KCNIP3: variants seen among roughly 807,000 people sequenced by gnomAD.
KCNIP3 encodes potassium voltage-gated channel interacting protein 3, also known as calsenilin.
KCNIP3 carries 28 observed loss-of-function variants against 35.0 expected under a neutral mutation model. The ratio of observed to expected loss-of-function variants is 0.80; its 90% confidence interval spans 0.59 to 1.10. The LOEUF is 1.10. Ranked by LOEUF, KCNIP3 falls within the 50% of genes least tolerant of loss-of-function variation. KCNIP3 has a pLI of 0.00. For missense variants in KCNIP3, 295 were observed against 338.4 expected (o/e 0.87, Z 1.01); for synonymous variants, 134 against 133.8 (o/e 1.00, Z -0.01).
At chr2:95,343,460 G>A (rs1249184209) in intron 2 of KCNIP3, among the ~76,000 whole-genome samples, 2 of 152,156 alleles carry the variant, frequency 1.3e-5, no homozygotes, top group Non-Finnish European at 2.9e-5. Context: ...GCCCCACTCC[G>A]GAGAGTTGGG....
At chr2:95,358,833 C>A (rs1271827314) in intron 2 of KCNIP3, among the ~76,000 whole-genome samples, 1 of 152,192 alleles carries the variant, frequency 6.6e-6, no homozygotes, top group African/African-American at 2.4e-5. Context: ...CTAAACATTT[C>A]TTAAAGGTCC....
intron 1 of KCNIP3, among the ~76,000 whole-genome samples, chr2:95,308,017 C>T (rs187327700): frequency 2.0e-5 from 3 of 152,250 alleles, no homozygotes; most frequent in African/African-American, 7.2e-5. Flanking sequence ...TGTGTGAGCA[C>T]ATGTGCATAT....
intron 2 of KCNIP3, among the ~76,000 whole-genome samples, chr2:95,357,438 T>C (rs766359540): frequency 1.3e-5 from 2 of 152,144 alleles, no homozygotes; most frequent in Admixed American, 6.5e-5. Context: ...CCTCATGGAC[T>C]GTCAGCCAGA....
chr2:95,354,579 G>A (rs575706171), intron 2 of KCNIP3, among the ~76,000 whole-genome samples: 1 of 152,288 alleles, frequency 6.6e-6, no homozygotes, highest in South Asian at 2.1e-4. Context: ...CTGGCCCACT[G>A]CCCTTGCTCC....
chr2:95,375,215 C>T lies in KCNIP3; in HGVS notation c.447+7C>T. 6.2e-7 allele frequency: 1 copy of T among 1,613,624 alleles called. No individual in the cohort carries two copies. The highest frequency in any genetic ancestry group is 1.1e-5 in the South Asian group (1 of 91,068). On this transcript the variant is annotated splice_region_variant and intron_variant, in intron 5 of 8. Coordinates refer to ENST00000295225, the MANE Select transcript of KCNIP3 (RefSeq NM_013434.5). ...CGGGGCCATCCACTTTGAGGTAGGT[C>T]CTCGCGGATTCCTCCCACGTGTCCT...
intron 2 of KCNIP3, among the ~76,000 whole-genome samples, chr2:95,326,293 A>G (rs1678787063): frequency 6.6e-6 from 1 of 151,720 alleles, no homozygotes; most frequent in Admixed American, 6.6e-5. Context: ...ATACACACTC[A>G]TTACACACAT....
chr2:95,330,830 C>T (rs1447013520), intron 2 of KCNIP3, among the ~76,000 whole-genome samples: 1 of 152,182 alleles, frequency 6.6e-6, no homozygotes, highest in Non-Finnish European at 1.5e-5. Flanking sequence ...GCTCTGGGGA[C>T]ACAGCAGGGA....
At chr2:95,306,820 G>A (rs1678189638) in intron 1 of KCNIP3, among the ~76,000 whole-genome samples, 1 of 152,204 alleles carries the variant, frequency 6.6e-6, no homozygotes, top group African/African-American at 2.4e-5. Flanking sequence ...CGCCTCTTAG[G>A]ACGCCCTCCC....
At chr2:95,347,145 T>G in intron 2 of KCNIP3, 1 of 1,584,962 alleles carries the variant, frequency 6.3e-7, no homozygotes, top group South Asian at 1.1e-5. Context: ...CACTTGCCCC[T>G]TCGCCGCCTC....
intron 2 of KCNIP3, among the ~76,000 whole-genome samples, chr2:95,330,189 G>C (rs1254010890): frequency 6.6e-6 from 1 of 152,190 alleles, no homozygotes; most frequent in Non-Finnish European, 1.5e-5. Flanking sequence ...GTGATACTGG[G>C]CAGGGAGGGG....
rs762024933 is a variant in KCNIP3 at position 95,377,516 on chromosome 2, A to G, written c.447+2308A>G. 7.9e-5 allele frequency among the ~76,000 whole-genome samples: 12 copies of G among 152,206 alleles called. No homozygotes were observed. The highest frequency in any genetic ancestry group is 2.9e-4 in the African/African-American group (12 of 41,462). ...CCTTCACCTGGAAGTATGCTGTGTC[A>G]CTGGAGCCCTCACCCTGCCTAGCCC... On this transcript the variant is annotated intron_variant, in intron 5 of 8. Transcript: ENST00000295225. This position sits in a 1 kb window ranked among gnomAD's most constrained non-coding sequence, Gnocchi z 4.7.
At chr2:95,302,039 C>G (rs1678046551) in intron 1 of KCNIP3, among the ~76,000 whole-genome samples, 1 of 152,168 alleles carries the variant, frequency 6.6e-6, no homozygotes, top group South Asian at 2.1e-4. Context: ...ATCCAGGCTC[C>G]CCAAAGCTTC....
chr2:95,334,686 A>C (rs1055025041), intron 2 of KCNIP3, among the ~76,000 whole-genome samples: 1 of 152,210 alleles, frequency 6.6e-6, no homozygotes, highest in African/African-American at 2.4e-5. Context: ...GCATGAAAAG[A>C]CACAAGATGG....
chr2:95,365,220 G>A (rs1230504425), intron 2 of KCNIP3, among the ~76,000 whole-genome samples: 2 of 142,944 alleles, frequency 1.4e-5, no homozygotes, highest in Non-Finnish European at 3.0e-5. Flanking sequence ...GGATTACGGT[G>A]ACATGATCTC....
At chr2:95,324,523 G>A (rs80269000) in intron 2 of KCNIP3, among the ~76,000 whole-genome samples, 79 of 145,758 alleles carry the variant, frequency 5.4e-4, no homozygotes, top group African/African-American at 1.3e-3. Flanking sequence ...AAAATAAATA[G>A]ATAAATAAAT....
At chr2:95,324,643 T>A (rs1039057249) in intron 2 of KCNIP3, among the ~76,000 whole-genome samples, 1 of 152,092 alleles carries the variant, frequency 6.6e-6, no homozygotes, top group Non-Finnish European at 1.5e-5. Context: ...CCTGGCATGG[T>A]GGCTCACGCC....
chr2:95,302,874 C>T (rs1446573268), intron 1 of KCNIP3, among the ~76,000 whole-genome samples: 2 of 152,212 alleles, frequency 1.3e-5, no homozygotes, highest in African/African-American at 2.4e-5. Context: ...GTGGCACATA[C>T]GAAGCCACTC....
intron 1 of KCNIP3, among the ~76,000 whole-genome samples, chr2:95,307,575 G>A (rs1183288366): frequency 6.6e-6 from 1 of 152,226 alleles, no homozygotes; most frequent in Non-Finnish European, 1.5e-5. Context: ...TGCTCAGCCT[G>A]CCCTTTGGGC....
chr2:95,353,534 T>A (rs1366029176), intron 2 of KCNIP3, among the ~76,000 whole-genome samples: 1 of 152,178 alleles, frequency 6.6e-6, no homozygotes, highest in Admixed American at 6.5e-5. Flanking sequence ...ACGTTTAACC[T>A]CCTTGAGCTT....
Sources: gnomAD v4.1 joint callset for allele counts (sites outside exome capture counted in the v4.1 genomes callset) on GRCh38, gnomAD v4.1.1 for gene constraint, Gnocchi (gnomAD v3.1) non-coding constraint, MANE v1.5 for transcripts, NCBI Gene and HGNC (gene_info 2026-07-23, HGNC 2026-07-21) for gene names.